The following C3orf20 variants were observed in gnomAD, a reference collection of about 807,000 sequenced individuals.
C3orf20 encodes uncharacterized protein C3orf20.
A neutral mutation model predicts 88.3 loss-of-function variants in C3orf20; 76 were observed. The observed-to-expected ratio is 0.86, with a 90% CI of 0.72 to 1.04. The LOEUF (loss-of-function observed/expected upper bound fraction) is 1.04. Among genes scored for constraint, C3orf20 ranks in the 50% least tolerant of loss-of-function variants. The pLI is 0.00. For synonymous variants in C3orf20, 436 were observed against 437.4 expected (o/e 1.00, Z 0.04); for missense variants, 1,056 against 1,123.3 (o/e 0.94, Z 0.86).
intron 12 of C3orf20, among the ~76,000 whole-genome samples, chr3:14,741,115 C>T (rs2034886319): frequency 6.6e-6 from 1 of 152,202 alleles, no homozygotes; most frequent in South Asian, 2.1e-4. Context: ...TCTTTCCTTT[C>T]AACAGGCGAG....
chr3:14,723,945 G>C (rs778483264), intron 10 of C3orf20, among the ~76,000 whole-genome samples: 5 of 151,938 alleles, frequency 3.3e-5, no homozygotes, highest in Non-Finnish European at 7.4e-5. Flanking sequence ...CATGCCTTCA[G>C]ACTCTCGAGG....
At chr3:14,742,794 T>C (rs1380673788) in intron 12 of C3orf20, among the ~76,000 whole-genome samples, 29 of 152,228 alleles carry the variant, frequency 1.9e-4, no homozygotes, top group African/African-American at 4.3e-4. Flanking sequence ...TATGTGGTGG[T>C]GGCAAGAGAA....
intron 9 of C3orf20, among the ~76,000 whole-genome samples, chr3:14,718,779 ATGTTTGTTTGTT>A (rs995157914): frequency 6.6e-6 from 1 of 152,180 alleles, no homozygotes; most frequent in Non-Finnish European, 1.5e-5. Flanking sequence ...TTCAGTTTTT[ATGTTTGTTTGTT>A]TCTTCAACCG....
At chr3:14,731,750 C>T (rs980518980) in intron 12 of C3orf20, among the ~76,000 whole-genome samples, 4 of 152,172 alleles carry the variant, frequency 2.6e-5, no homozygotes, top group African/African-American at 9.7e-5. Flanking sequence ...AGGCATAGAG[C>T]AGGGTGCCAA....
At chr3:14,694,534 T>C (rs1426023466) in intron 5 of C3orf20, among the ~76,000 whole-genome samples, 1 of 152,178 alleles carries the variant, frequency 6.6e-6, no homozygotes, top group Non-Finnish European at 1.5e-5. Flanking sequence ...AGTTGTAATG[T>C]CTCCTGTTTC....
intron 7 of C3orf20, among the ~76,000 whole-genome samples, chr3:14,712,404 A>T (rs1205295362): frequency 8.5e-5 from 13 of 152,210 alleles, no homozygotes. Flanking sequence ...CTGTAAGATT[A>T]TAAATTTATG....
chr3:14,761,582 T>C lies in C3orf20; in HGVS notation c.2462T>C (p.Met821Thr), dbSNP rs2035565191. ...TTCCGGTCTCAACAGGATTACAAGA[T>C]GGGCTACTTCCTGCCGGATGACTAC... ...QIFRSQQDYK[M>T]GYFLPDDYKF... Residue 821 changes from methionine to threonine, a missense_variant, in exon 15 of 17, where the codon ATG (methionine) becomes ACG (threonine). Transcript: ENST00000253697. The C allele has an allele frequency of 1.9e-6, 3 of 1,613,912 alleles. No individual in the cohort carries two copies. Among genetic ancestry groups the C allele is most frequent in the Non-Finnish European group, 2.5e-6 (3 of 1,180,020 alleles).
chr3:14,703,813 G>A (rs2033381360), intron 6 of C3orf20, among the ~76,000 whole-genome samples: 1 of 152,240 alleles, frequency 6.6e-6, no homozygotes, highest in African/African-American at 2.4e-5. Flanking sequence ...TTATCATTCT[G>A]TGGGGCCATC....
intron 3 of C3orf20, among the ~76,000 whole-genome samples, chr3:14,683,404 G>A (rs1559393461): frequency 6.6e-6 from 1 of 152,152 alleles, no homozygotes; most frequent in African/African-American, 2.4e-5. Flanking sequence ...CAGATTGGAA[G>A]GTTAGTAATA....
chr3:14,728,515 T>A lies in C3orf20; in HGVS notation c.1767T>A (p.His589Gln). 3.7e-6 allele frequency: 6 copies of A among 1,614,188 alleles called. No individual in the cohort carries two copies. Among genetic ancestry groups the A allele is most frequent in the Non-Finnish European group, 3.4e-6 (4 of 1,180,040 alleles). Residue 589 changes from histidine to glutamine, a missense_variant, in exon 12 of 17, where the codon CAT (histidine) becomes CAA (glutamine). Physicochemically the swap from His to Gln is conservative, Grantham distance 24. Coordinates refer to ENST00000253697, the MANE Select transcript of C3orf20 (RefSeq NM_032137.5). Reference sequence around the variant, plus strand: ...GGTTCAAGATGAGATCCAGAACTCATCCCGAGCGGCTCCCCAAGCTAAGTT... The same window carrying A: ...GGTTCAAGATGAGATCCAGAACTCAACCCGAGCGGCTCCCCAAGCTAAGTT... The part of the protein sequence containing the change: ...FVRFKMRSRT[H>Q]PERLPKLSLY...
rs996187026 is a variant in C3orf20 at position 14,701,523 on chromosome 3, C to T, written c.746-1607C>T. Among the ~76,000 whole-genome samples, 7 of 152,102 alleles carry T rather than the reference C, an allele frequency of 4.6e-5. No homozygotes were observed. The highest frequency in any genetic ancestry group is 8.8e-5 in the Non-Finnish European group (6 of 68,024). ...GACTCCACATGACCACATCCTCATA[C>T]CACCTGACACCTATCATGGAGGACA... On this transcript the variant is annotated intron_variant, in intron 5 of 16. Coordinates refer to ENST00000253697, the MANE Select transcript of C3orf20 (RefSeq NM_032137.5). The surrounding 1 kb of genome is among the most constrained non-coding windows in gnomAD (Gnocchi z 4.6).
chr3:14,693,755 C>T (rs1454109876), intron 5 of C3orf20, among the ~76,000 whole-genome samples: 1 of 152,130 alleles, frequency 6.6e-6, no homozygotes, highest in Non-Finnish European at 1.5e-5. Flanking sequence ...AAGTGGGCAT[C>T]CTTGTCGTGG....
chr3:14,687,189 G>A (rs891233976), intron 4 of C3orf20, among the ~76,000 whole-genome samples: 2 of 152,156 alleles, frequency 1.3e-5, no homozygotes, highest in African/African-American at 4.8e-5. Context: ...TTATTGCCAT[G>A]ATACAATCAT....
At chr3:14,771,799 G>C (rs1170095814) in intron 15 of C3orf20, among the ~76,000 whole-genome samples, 1 of 152,102 alleles carries the variant, frequency 6.6e-6, no homozygotes, top group African/African-American at 2.4e-5. Flanking sequence ...GAGCCCTCCC[G>C]CCCCACCGCA....
rs138399288 is a variant in C3orf20, at chr3:14,759,848, A to G, written c.2245-43A>G. 1,590 of 1,523,492 alleles carry G rather than the reference A, an allele frequency of 1.0e-3. 10 individuals carry two copies. In the African/African-American group the frequency reaches 0.019, roughly 18 times the overall value. The allele number at this position is 1,523,492 out of a possible 1,614,324, so 94.4% of individuals were successfully genotyped here. A position where few individuals can be genotyped will look rare whatever the true frequency, so the allele number is the denominator to read the frequency against. ...GAATATGGCAATCCAGGTACATCTT[A>G]TTGGCATGGGGGTGACCAGTTCTCA... On this transcript the variant is annotated intron_variant, in intron 13 of 16. Transcript: ENST00000253697.
Position 14,684,314 on chromosome 3 carries a change from A to T in C3orf20, c.557A>T (p.Glu186Val). The T allele has an allele frequency of 6.2e-7, 1 of 1,614,172 alleles. No homozygotes were observed. The highest frequency in any genetic ancestry group is 8.5e-7 in the Non-Finnish European group (1 of 1,180,022). Residue 186 changes from glutamate to valine, a missense_variant, in exon 4 of 17, where the codon GAG becomes GTG. Coordinates refer to ENST00000253697, the MANE Select transcript of C3orf20 (RefSeq NM_032137.5). ...ASQLLHLNAK[E>V]MAFNCLISTA... The stretch of plus-strand genomic sequence containing the variant: ...CAGCTCCTCCACCTCAATGCCAAGG[A>T]GATGGCCTTCAACTGCCTGATCAGC...
chr3:14,772,913 C>T lies in C3orf20; in HGVS notation c.*38C>T, dbSNP rs779249314. ...AGCAGCCAAGTGAGCCAGGCCCCGG[C>T]CCGGGGTGCTGGGGCTTCTTGCCAG... On this transcript the variant is annotated 3_prime_UTR_variant, in exon 17 of 17. Transcript: ENST00000253697. The surrounding 1 kb of genome is among the most constrained non-coding windows in gnomAD (Gnocchi z 4.2). The T allele has an allele frequency of 1.6e-5, 25 of 1,549,520 alleles. 1 individual carries two copies. In the South Asian group the frequency reaches 2.8e-4, roughly 17 times the overall value.
rs1050311225 is a variant in C3orf20 at position 14,697,051 on chromosome 3, G to A, written c.746-6079G>A. ...AAAAGTCTGCTGCCAGACAATTGGA[G>A]CTCCATTGTATGTTATTTGTTTCTT... On this transcript the variant is annotated intron_variant, in intron 5 of 16. Transcript: ENST00000253697. Among the ~76,000 whole-genome samples, 6 of 152,130 alleles carry A rather than the reference G, an allele frequency of 3.9e-5. No individual in the cohort carries two copies. The East Asian group carries it at 1.2e-3, about 29-fold the overall frequency.
At chr3:14,750,554 T>TAA (rs3038830) in intron 12 of C3orf20, among the ~76,000 whole-genome samples, 1,879 of 142,510 alleles carry the variant, frequency 0.013, 41 homozygotes, top group African/African-American at 0.045. Context: ...GACCCTGTCT[T>TAA]AAAAAAAAAA....
Sources: gnomAD v4.1 joint callset for allele counts (sites outside exome capture counted in the v4.1 genomes callset) on GRCh38, gnomAD v4.1.1 for gene constraint, Gnocchi (gnomAD v3.1) non-coding constraint, MANE v1.5 for transcripts, NCBI Gene and HGNC (gene_info 2026-07-23, HGNC 2026-07-21) for gene names.